MYO1E: variants seen among roughly 807,000 people sequenced by gnomAD.
MYO1E encodes the protein unconventional myosin-Ie.
Under a neutral mutation model 151.1 loss-of-function variants are expected in MYO1E, and 68 were observed. The observed-to-expected ratio is 0.45, with a 90% CI of 0.37 to 0.55. MYO1E has a LOEUF of 0.55. Among genes scored for constraint, MYO1E ranks in the 20% least tolerant of loss-of-function variants. MYO1E has a pLI of 0.00. For synonymous variants in MYO1E, 601 were observed against 501.7 expected (o/e 1.20, Z -2.64); for missense variants, 1,363 against 1,389.3 (o/e 0.98, Z 0.30).
At chr15:59,157,578 G>A (rs1178958669) in intron 25 of MYO1E, among the ~76,000 whole-genome samples, 1 of 151,972 alleles carries the variant, frequency 6.6e-6, no homozygotes, top group Non-Finnish European at 1.5e-5. Context: ...TATCCATGCT[G>A]TGTGTGCTAC....
At chr15:59,346,309 A>C (rs2080793789) in intron 1 of MYO1E, among the ~76,000 whole-genome samples, 1 of 152,174 alleles carries the variant, frequency 6.6e-6, no homozygotes, top group Non-Finnish European at 1.5e-5. Flanking sequence ...CTCCTTCTGC[A>C]ACCCTGCCAA....
At chr15:59,278,338 C>T (rs1370555420) in intron 1 of MYO1E, among the ~76,000 whole-genome samples, 1 of 152,218 alleles carries the variant, frequency 6.6e-6, no homozygotes, top group Non-Finnish European at 1.5e-5. Flanking sequence ...GGGTAACACT[C>T]TGGCCTGCAG....
chr15:59,169,321 T>C (rs535835961), intron 22 of MYO1E, among the ~76,000 whole-genome samples: 46 of 152,374 alleles, frequency 3.0e-4, no homozygotes, highest in Non-Finnish European at 5.4e-4. Flanking sequence ...AATCTTTCTC[T>C]ATGCCAGTAC....
chr15:59,332,010 T>A (rs2080701153), intron 1 of MYO1E, among the ~76,000 whole-genome samples: 1 of 152,202 alleles, frequency 6.6e-6, no homozygotes, highest in South Asian at 2.1e-4. Flanking sequence ...GCTCTCTTCT[T>A]TAGCCTGAAA....
At chr15:59,280,680 G>GT (rs1185091286) in intron 1 of MYO1E, among the ~76,000 whole-genome samples, 23 of 150,550 alleles carry the variant, frequency 1.5e-4, no homozygotes, top group East Asian at 3.9e-4. Context: ...TTAACTGGCA[G>GT]TTTTTTTTTA....
At chr15:59,174,369 T>A (rs2079612491) in intron 19 of MYO1E, 129 bp from the exon 20 acceptor site, 1 of 725,210 alleles carries the variant, frequency 1.4e-6, no homozygotes, top group Non-Finnish European at 2.5e-6. Context: ...CTCTGATTCA[T>A]GAACGAATAT....
rs773299606 is a variant in MYO1E at position 59,214,276 on chromosome 15, A to G, written c.1227T>C (p.Asn409=). Residue 409 remains asparagine, a synonymous_variant, in exon 12 of 28, where the codon AAT becomes AAC. Coordinates refer to ENST00000288235, the MANE Select transcript of MYO1E (RefSeq NM_004998.4). ...CAATAAAAATCTGCTGCAGTTTTTC[A>G]TTAACAAAATTGATACAAAACTGTT... ...GFEQFCINFV[N]EKLQQIFIEL... 6 of 1,613,026 alleles carry G rather than the reference A, an allele frequency of 3.7e-6. No individual in the cohort carries two copies. Among genetic ancestry groups the G allele is most frequent in the South Asian group, 2.2e-5 (2 of 90,798 alleles).
At chr15:59,371,568 C>G (rs2080944858) in intron 1 of MYO1E, among the ~76,000 whole-genome samples, 2 of 151,984 alleles carry the variant, frequency 1.3e-5, no homozygotes. Context: ...GGGAGTGTAG[C>G]TGGACTGGGG....
At chr15:59,233,769 G>C (rs2080043537) in intron 5 of MYO1E, among the ~76,000 whole-genome samples, 1 of 148,844 alleles carries the variant, frequency 6.7e-6, no homozygotes, top group Non-Finnish European at 1.5e-5. Context: ...AGAAAAGCAA[G>C]TGGACTGAAC....
chr15:59,251,215 T>TA (rs1463898929), intron 4 of MYO1E, among the ~76,000 whole-genome samples: 1 of 152,186 alleles, frequency 6.6e-6, no homozygotes, highest in Non-Finnish European at 1.5e-5. Flanking sequence ...TTCCTCCTCA[T>TA]AAAATTTAAC....
intron 1 of MYO1E, among the ~76,000 whole-genome samples, chr15:59,371,698 G>T (rs1234969650): frequency 6.6e-6 from 1 of 152,160 alleles, no homozygotes; most frequent in Admixed American, 6.5e-5. Context: ...CGTGCGAAGC[G>T]TCCCCTGGAT....
intron 17 of MYO1E, among the ~76,000 whole-genome samples, chr15:59,192,396 T>C (rs2079739599): frequency 6.6e-6 from 1 of 152,178 alleles, no homozygotes; most frequent in Non-Finnish European, 1.5e-5. Flanking sequence ...TTTTCTGATA[T>C]TCCAATGAAT....
chr15:59,372,299 T>C (rs1459072122), intron 1 of MYO1E, among the ~76,000 whole-genome samples, 199 bp downstream of exon 1: 1 of 152,184 alleles, frequency 6.6e-6, no homozygotes, highest in East Asian at 1.9e-4. Flanking sequence ...GAATAAAGTT[T>C]TCCTTGGCCC....
chr15:59,143,230 C>T (rs1266969457), intron 26 of MYO1E, among the ~76,000 whole-genome samples: 2 of 152,118 alleles, frequency 1.3e-5, no homozygotes, highest in Non-Finnish European at 2.9e-5. Context: ...CCATTTGGCC[C>T]TTTATCACTA....
intron 1 of MYO1E, among the ~76,000 whole-genome samples, chr15:59,325,098 A>G (rs2080655315): frequency 6.6e-6 from 1 of 151,978 alleles, no homozygotes; most frequent in Admixed American, 6.6e-5. Context: ...GCAGTGGCAC[A>G]ATCTCAGCTC....
intron 1 of MYO1E, among the ~76,000 whole-genome samples, chr15:59,325,554 A>G (rs1375962543): frequency 6.6e-6 from 1 of 152,220 alleles, no homozygotes; most frequent in Non-Finnish European, 1.5e-5. Context: ...GCAATCCAAT[A>G]ACACATCTTT....
Position 59,137,174 on chromosome 15 carries a change from G to C in MYO1E, c.*206C>G. The C allele has an allele frequency of 3.4e-6, 2 of 595,216 alleles. No homozygotes were observed. The highest frequency in any genetic ancestry group is 2.0e-5 in the South Asian group (1 of 50,826). The allele number at this position is 595,216 out of a possible 1,614,324, so 36.9% of individuals were successfully genotyped here. A position where few individuals can be genotyped will look rare whatever the true frequency, so the allele number is the denominator to read the frequency against. ...TTGTCCTCCTGGGTTCCTATGAAGA[G>C]GCTACCTTTTAGGATCACTTATGGA... is the stretch of plus-strand genomic sequence containing the variant. On this transcript the variant is annotated 3_prime_UTR_variant, in exon 28 of 28. Transcript: ENST00000288235.
chr15:59,290,082 T>C (rs2140396006), intron 1 of MYO1E, among the ~76,000 whole-genome samples: 1 of 152,288 alleles, frequency 6.6e-6, no homozygotes, highest in South Asian at 2.1e-4. Flanking sequence ...TCAAAAGAAT[T>C]CTAGAAACAG....
chr15:59,268,885 A>C (rs1450317366), intron 2 of MYO1E, among the ~76,000 whole-genome samples: 1 of 151,660 alleles, frequency 6.6e-6, no homozygotes, highest in African/African-American at 2.4e-5. Flanking sequence ...GGGAGGAGTG[A>C]GGCCGCCTGG....
Sources: allele counts gnomAD v4.1 joint callset (sites outside exome capture counted in the v4.1 genomes callset), GRCh38; gene constraint gnomAD v4.1.1; transcripts MANE v1.5; gene names NCBI Gene and HGNC (gene_info 2026-07-23, HGNC 2026-07-21).